CUL3: variants seen among roughly 807,000 people sequenced by gnomAD.
CUL3 encodes the protein cullin-3.
CUL3 carries 19 observed loss-of-function variants against 89.1 expected under a neutral mutation model. The observed-to-expected ratio is 0.21, with a 90% CI of 0.15 to 0.31. The LOEUF (loss-of-function observed/expected upper bound fraction) is 0.31. Ranked by LOEUF, CUL3 falls within the 10% of genes least tolerant of loss-of-function variation. The pLI is 1.00. For synonymous variants in CUL3, 351 were observed against 308.4 expected (o/e 1.14, Z -1.45); for missense variants, 469 against 942.3 (o/e 0.50, Z 6.58).
In CUL3 at chr2:224,513,558, G is replaced by T; in HGVS notation, c.620C>A (p.Ala207Asp). ...TTCTGCAGACATTTCCAAAAAAGGA[G>T]CCTCAAAATCTTCTTCATAGACTGA... ...GRSVYEEDFE[A>D]PFLEMSAEFF... The change falls in exon 5 of 16, where the codon GCT becomes GAT. Residue 207 changes from alanine (A) to aspartate (D), a missense_variant. Ala to Asp is a moderately radical substitution (Grantham distance 126). Coordinates refer to ENST00000264414, the MANE Select transcript of CUL3 (RefSeq NM_003590.5). 6.3e-7 allele frequency: 1 copy of T among 1,598,202 alleles called. No individual in the cohort carries two copies. Among genetic ancestry groups the T allele is most frequent in the Non-Finnish European group, 8.5e-7 (1 of 1,175,842 alleles).
At chr2:224,575,817 T>C (rs1037225769) in intron 1 of CUL3, among the ~76,000 whole-genome samples, 1 of 152,194 alleles carries the variant, frequency 6.6e-6, no homozygotes, top group Non-Finnish European at 1.5e-5. Flanking sequence ...ATTTTTAAAC[T>C]AGTAGGATGA....
chr2:224,579,071 T>C (rs1695375873), intron 1 of CUL3, among the ~76,000 whole-genome samples: 1 of 152,174 alleles, frequency 6.6e-6, no homozygotes, highest in Admixed American at 6.5e-5. Context: ...TAATTCAATA[T>C]TGGTACTAAT....
At chr2:224,580,584 T>C (rs13009793) in intron 1 of CUL3, among the ~76,000 whole-genome samples, 14,486 of 152,082 alleles carry the variant, frequency 0.095, 916 homozygotes, top group East Asian at 0.27. Context: ...CTTGGGAGAC[T>C]GAGACACAAG....
intron 10 of CUL3, among the ~76,000 whole-genome samples, chr2:224,501,581 G>A (rs1041982979): frequency 6.6e-6 from 1 of 152,160 alleles, no homozygotes; most frequent in Non-Finnish European, 1.5e-5. Context: ...ATCAGTTTAT[G>A]AATATCAAGA....
At chr2:224,519,303 T>C (rs2106233512) in intron 3 of CUL3, among the ~76,000 whole-genome samples, 1 of 152,326 alleles carries the variant, frequency 6.6e-6, no homozygotes, top group East Asian at 1.9e-4. Context: ...CAATCTCTCA[T>C]TATGTATATG....
At chr2:224,482,195 C>A in intron 13 of CUL3, 117 bp from the exon 14 acceptor site, 2 of 687,692 alleles carry the variant, frequency 2.9e-6, no homozygotes, top group Admixed American at 7.4e-5. Context: ...ATAAATAATG[C>A]ACAAAAAAGA....
chr2:224,484,241 A>T (rs1208939869), intron 13 of CUL3, among the ~76,000 whole-genome samples: 1 of 152,102 alleles, frequency 6.6e-6, no homozygotes, highest in Non-Finnish European at 1.5e-5. Context: ...TTAACCCCCC[A>T]CAAAAATAGT....
chr2:224,578,841 C>G (rs1355480976), intron 1 of CUL3, among the ~76,000 whole-genome samples: 1 of 152,062 alleles, frequency 6.6e-6, no homozygotes, highest in Non-Finnish European at 1.5e-5. Context: ...CCTTTAAAGT[C>G]CCCCAATGTA....
intron 1 of CUL3, among the ~76,000 whole-genome samples, chr2:224,582,156 G>A (rs1310715482): frequency 6.6e-6 from 1 of 151,870 alleles, no homozygotes; most frequent in Non-Finnish European, 1.5e-5. Flanking sequence ...AGTAGAGATG[G>A]GATTTCACCA....
At chr2:224,559,779 C>G (rs965310048) in intron 1 of CUL3, among the ~76,000 whole-genome samples, 1 of 152,146 alleles carries the variant, frequency 6.6e-6, no homozygotes, top group Non-Finnish European at 1.5e-5. Context: ...GCTGATCACT[C>G]CTACTCCTTG....
intron 3 of CUL3, among the ~76,000 whole-genome samples, chr2:224,519,234 T>C (rs914435077): frequency 2.0e-5 from 3 of 152,252 alleles, no homozygotes; most frequent in Admixed American, 6.5e-5. Flanking sequence ...GGGCTATGTA[T>C]ATAAGGTGTA....
intron 1 of CUL3, among the ~76,000 whole-genome samples, chr2:224,565,988 T>C (rs1695031895): frequency 2.0e-5 from 3 of 152,184 alleles, no homozygotes; most frequent in Non-Finnish European, 4.4e-5. Flanking sequence ...TCTATTGAGG[T>C]TCTCTTCCAT....
In CUL3 at chr2:224,519,981, G is replaced by A. The variant is rs184524985; in HGVS notation, c.379-5209C>T. On this transcript the variant is annotated intron_variant, in intron 3 of 15. Transcript: ENST00000264414. ...TGATTTTAAAATGTCTTAATCCCAG[G>A]CTTTGACCAAAATGTAGTGACCAAA... Among the ~76,000 whole-genome samples, 35 of 151,990 alleles carry A rather than the reference G, an allele frequency of 2.3e-4. No individual in the cohort carries two copies. The East Asian group carries it at 4.8e-3, about 21-fold the overall frequency.
chr2:224,554,546 A>T (rs1694634157), intron 2 of CUL3, among the ~76,000 whole-genome samples: 1 of 152,196 alleles, frequency 6.6e-6, no homozygotes, highest in Non-Finnish European at 1.5e-5. Context: ...AGTTCCGGCT[A>T]GGCCACTTAA....
intron 3 of CUL3, among the ~76,000 whole-genome samples, chr2:224,523,880 T>C (rs567548296): frequency 5.9e-5 from 9 of 151,918 alleles, no homozygotes; most frequent in African/African-American, 2.2e-4. Flanking sequence ...ACAGAGAAGG[T>C]AGAATGGTAG....
intron 13 of CUL3, among the ~76,000 whole-genome samples, chr2:224,483,772 A>G (rs1311897746): frequency 2.0e-5 from 3 of 152,252 alleles, no homozygotes; most frequent in Non-Finnish European, 4.4e-5. Context: ...CTATCATGAC[A>G]CAAGTGGAGA....
intron 3 of CUL3, among the ~76,000 whole-genome samples, chr2:224,517,167 A>G (rs1337661737): frequency 6.6e-6 from 1 of 152,228 alleles, no homozygotes; most frequent in Non-Finnish European, 1.5e-5. Flanking sequence ...ATAAGTATAT[A>G]TTGTACAGAA....
intron 7 of CUL3, 23 bp downstream of exon 7, chr2:224,506,835 G>A (rs751543528): frequency 6.2e-7 from 1 of 1,609,396 alleles, no homozygotes; most frequent in South Asian, 1.1e-5. Flanking sequence ...CATAAACACA[G>A]AGAATCTTCT....
chr2:224,568,723 A>T (rs1695107813), intron 1 of CUL3, among the ~76,000 whole-genome samples: 1 of 152,192 alleles, frequency 6.6e-6, no homozygotes, highest in South Asian at 2.1e-4. Flanking sequence ...ATTAACTGGG[A>T]AAAAAAGGGT....
Sources: allele counts gnomAD v4.1 joint callset (sites outside exome capture counted in the v4.1 genomes callset), GRCh38; gene constraint gnomAD v4.1.1; transcripts MANE v1.5; gene names NCBI Gene and HGNC (gene_info 2026-07-23, HGNC 2026-07-21).